PDS5A: variants seen among roughly 807,000 people sequenced by gnomAD.
The protein encoded by PDS5A is PDS5 cohesin associated factor A, also known as sister chromatid cohesion protein PDS5 homolog A.
PDS5A carries 42 observed loss-of-function variants against 167.1 expected under a neutral mutation model. The observed-to-expected ratio is 0.25, with a 90% CI of 0.20 to 0.33. The LOEUF is 0.33. Among genes scored for constraint, PDS5A ranks in the 10% least tolerant of loss-of-function variants. PDS5A has a pLI of 1.00. For synonymous variants in PDS5A, 553 were observed against 554.6 expected, an observed-to-expected ratio of 1.00 and a Z score of 0.04; for missense variants, 1,033 against 1,605.9, an observed-to-expected ratio of 0.64 and a Z score of 6.10.
At chr4:39,849,330 G>A (rs1367438533) in intron 27 of PDS5A, among the ~76,000 whole-genome samples, 190 bp downstream of exon 27, 1 of 149,906 alleles carries the variant, frequency 6.7e-6, no homozygotes, top group Non-Finnish European at 1.5e-5. Context: ...TGTCTTTTCA[G>A]AGTACTAAAG....
chr4:39,923,640 C>CACACACACACAA (rs751925466), intron 5 of PDS5A, among the ~76,000 whole-genome samples: 2,560 of 127,860 alleles, frequency 0.02, 66 homozygotes, highest in African/African-American at 0.09. Flanking sequence ...TGTCTCAAAA[C>CACACACACACAA]ACACACACAC....
At chr4:39,975,106 CA>C (rs57418654) in intron 2 of PDS5A, among the ~76,000 whole-genome samples, 28,587 of 85,108 alleles carry the variant, frequency 0.34, 2,940 homozygotes, top group East Asian at 0.45. Flanking sequence ...GACTCCGTCT[CA>C]AAAAAAAAAA....
intron 31 of PDS5A, among the ~76,000 whole-genome samples, chr4:39,839,955 A>T (rs927773262): frequency 6.6e-6 from 1 of 151,704 alleles, no homozygotes; most frequent in Non-Finnish European, 1.5e-5. Flanking sequence ...TTAGCTGGGC[A>T]TGGTGGTGCG....
intron 2 of PDS5A, among the ~76,000 whole-genome samples, chr4:39,945,386 G>A (rs1264225298): frequency 2.7e-5 from 4 of 150,418 alleles, no homozygotes; most frequent in South Asian, 2.1e-4. Context: ...GCATGAACCC[G>A]GGAAGTGGAG....
chr4:39,880,556 A>C (rs1398914031), intron 17 of PDS5A, among the ~76,000 whole-genome samples: 1 of 152,206 alleles, frequency 6.6e-6, no homozygotes, highest in Non-Finnish European at 1.5e-5. Context: ...ACAAATGTTC[A>C]AAACAAGATT....
At chr4:39,906,417 T>C (rs1723355265) in intron 11 of PDS5A, among the ~76,000 whole-genome samples, 1 of 151,404 alleles carries the variant, frequency 6.6e-6, no homozygotes, top group African/African-American at 2.4e-5. Flanking sequence ...CTTCCTTACG[T>C]TGCAAACCTA....
chr4:39,843,618 C>T (rs1466225172), intron 30 of PDS5A, among the ~76,000 whole-genome samples: 1 of 152,040 alleles, frequency 6.6e-6, no homozygotes, highest in East Asian at 1.9e-4. Context: ...GTGTGAGAAT[C>T]ACTTGAAACC....
intron 5 of PDS5A, among the ~76,000 whole-genome samples, 195 bp from the exon 6 acceptor site, chr4:39,922,943 A>T (rs2109719589): frequency 6.6e-6 from 1 of 152,322 alleles, no homozygotes; most frequent in African/African-American, 2.4e-5. Context: ...TGACTATTAC[A>T]ACAGTTGTAA....
rs1310646732 is a variant in PDS5A at position 39,823,832 on chromosome 4, A to G, written c.*1653T>C. The G allele has an allele frequency of 6.6e-6, 1 of 152,624 alleles. No homozygotes were observed. The highest frequency in any genetic ancestry group is 1.5e-5 in the Non-Finnish European group (1 of 68,038). 9.5% of individuals were successfully genotyped at this position (152,624 alleles called of 1,614,324 possible). A position where few individuals can be genotyped will look rare whatever the true frequency, so the allele number is the denominator to read the frequency against. ...GTGTAAATGCATATTTAAAATAATT[A>G]CCCATCTTTCAGTCAATACACAGCC... On this transcript the variant is annotated 3_prime_UTR_variant, in exon 33 of 33. Coordinates refer to ENST00000303538, the MANE Select transcript of PDS5A (RefSeq NM_001100399.2).
intron 2 of PDS5A, among the ~76,000 whole-genome samples, chr4:39,939,263 A>T (rs1409158032): frequency 2.6e-5 from 4 of 152,084 alleles, no homozygotes; most frequent in Admixed American, 1.3e-4. Flanking sequence ...AGTGTTGGAG[A>T]CCAACCTGGG....
At chr4:39,914,306 C>T (rs573839716) in intron 8 of PDS5A, among the ~76,000 whole-genome samples, 15 of 151,842 alleles carry the variant, frequency 9.9e-5, no homozygotes, top group East Asian at 5.8e-4. Context: ...GGATTACAGG[C>T]GCCCACCACC....
chr4:39,864,251 G>T (rs1419625662), intron 23 of PDS5A, among the ~76,000 whole-genome samples: 1 of 151,988 alleles, frequency 6.6e-6, no homozygotes. Flanking sequence ...CATGTAACAG[G>T]AATCTAGTTT....
intron 10 of PDS5A, among the ~76,000 whole-genome samples, chr4:39,909,461 GA>G (rs1374530157): frequency 6.6e-6 from 1 of 152,006 alleles, no homozygotes; most frequent in East Asian, 1.9e-4. Flanking sequence ...AGTTATCCTG[GA>G]AAAGTCAACT....
chr4:39,911,693 G>A (rs1010770223), intron 9 of PDS5A, among the ~76,000 whole-genome samples: 7 of 151,992 alleles, frequency 4.6e-5, no homozygotes, highest in African/African-American at 9.6e-5. Context: ...TTAGCCGGGC[G>A]CACTGGCGGG....
At chr4:39,954,697 A>AAAAAAAAAG (rs1451652696) in intron 2 of PDS5A, among the ~76,000 whole-genome samples, 1 of 139,012 alleles carries the variant, frequency 7.2e-6, no homozygotes, top group African/African-American at 2.9e-5. Context: ...AAAAAAAAAA[A>AAAAAAAAAG]CAGAAACAGA....
At chr4:39,946,245 A>G (rs974673255) in intron 2 of PDS5A, among the ~76,000 whole-genome samples, 7 of 151,770 alleles carry the variant, frequency 4.6e-5, no homozygotes, top group Non-Finnish European at 1.0e-4. Context: ...AAGGAAAGGA[A>G]AAGAGATTCA....
intron 16 of PDS5A, among the ~76,000 whole-genome samples, chr4:39,893,072 C>T (rs191628945): frequency 6.6e-6 from 1 of 152,088 alleles, no homozygotes; most frequent in Non-Finnish European, 1.5e-5. Context: ...TGGTAGTAAA[C>T]GATATTCAAA....
chr4:39,851,788 C>A (rs1718146994), intron 26 of PDS5A, among the ~76,000 whole-genome samples: 1 of 152,150 alleles, frequency 6.6e-6, no homozygotes, highest in African/African-American at 2.4e-5. Flanking sequence ...TTTGAGGATT[C>A]TATTTGTTTA....
chr4:39,855,589 T>G (rs903450008), intron 26 of PDS5A, among the ~76,000 whole-genome samples: 5 of 151,898 alleles, frequency 3.3e-5, no homozygotes, highest in Non-Finnish European at 5.9e-5. Flanking sequence ...ATAAAAGAAA[T>G]AAAGATAATC....
Sources: gnomAD v4.1 joint callset for allele counts (sites outside exome capture counted in the v4.1 genomes callset) on GRCh38, gnomAD v4.1.1 for gene constraint, MANE v1.5 for transcripts, NCBI Gene and HGNC (gene_info 2026-07-23, HGNC 2026-07-21) for gene names.